CFHR5: variants seen among roughly 807,000 people sequenced by gnomAD.
CFHR5 encodes complement factor H related 5, also known as complement factor H-related protein 5.
A neutral mutation model predicts 62.9 loss-of-function variants in CFHR5; 73 were observed. The ratio of observed to expected loss-of-function variants is 1.16; its 90% confidence interval spans 0.96 to 1.41. The LOEUF (loss-of-function observed/expected upper bound fraction) is 1.41. Among genes scored for constraint, CFHR5 ranks in the 40% most tolerant of loss-of-function variants. The pLI is 0.00. For synonymous variants in CFHR5, 249 were observed against 227.2 expected (o/e 1.10, Z -0.86); for missense variants, 779 against 679.9 (o/e 1.15, Z -1.62).
chr1:197,005,133 T>C (rs1390695736), intron 9 of CFHR5, among the ~76,000 whole-genome samples: 1 of 152,148 alleles, frequency 6.6e-6, no homozygotes, highest in Non-Finnish European at 1.5e-5. Context: ...CATTAAATTG[T>C]TTCATGTTAT....
intron 6 of CFHR5, among the ~76,000 whole-genome samples, chr1:196,997,917 C>A (rs1415509084): frequency 6.6e-6 from 1 of 152,116 alleles, no homozygotes; most frequent in Non-Finnish European, 1.5e-5. Context: ...TCCCAGAAAA[C>A]TTTCTGACCT....
At chr1:196,984,492 G>A (rs1324436231) in intron 3 of CFHR5, among the ~76,000 whole-genome samples, 1 of 152,102 alleles carries the variant, frequency 6.6e-6, no homozygotes, top group East Asian at 1.9e-4. Flanking sequence ...TTATAAGGAA[G>A]TTTTTAATAT....
At position 196,996,078 on chromosome 1, in the gene CFHR5, T is replaced by C. The variant is rs1178609998; in HGVS notation, c.847T>C (p.Ser283Pro). The change falls in exon 6 of 10, where the codon TCT (serine) becomes CCT (proline). Residue 283 changes from serine (S) to proline (P), a missense_variant. By Grantham distance (74) the Ser-to-Pro change is moderately conservative. Coordinates refer to ENST00000256785, the MANE Select transcript of CFHR5 (RefSeq NM_030787.4). ...ACTCGAGTACGGTTATGTTCAGCCG[T>C]CTGTCCCTCCCTATCAACATGGAGT... ...PELEYGYVQPSVPPYQHGVSV... is the reference protein window; with the variant it reads ...PELEYGYVQPPVPPYQHGVSV... The C allele has an allele frequency of 1.2e-6, 2 of 1,613,900 alleles. No individual in the cohort carries two copies. The highest frequency in any genetic ancestry group is 3.3e-5 in the Admixed American group (2 of 60,000).
chr1:196,976,468 T>G (rs896065125), upstream of CFHR5, among the ~76,000 whole-genome samples: 1 of 152,102 alleles, frequency 6.6e-6, no homozygotes, highest in East Asian at 1.9e-4. Context: ...CCAGTCCACA[T>G]AGCCTGCCTG....
intron 3 of CFHR5, among the ~76,000 whole-genome samples, chr1:196,992,675 T>TGC (rs1653878990): frequency 6.6e-6 from 1 of 152,174 alleles, no homozygotes; most frequent in Non-Finnish European, 1.5e-5. Context: ...TCAAGATCAA[T>TGC]TATTTTCAAT....
At chr1:196,993,619 C>A (rs559663799) in intron 3 of CFHR5, among the ~76,000 whole-genome samples, 18 of 152,084 alleles carry the variant, frequency 1.2e-4, no homozygotes, top group African/African-American at 3.9e-4. Context: ...TTTTATACAT[C>A]ATTTTTTTTA....
chr1:196,998,303 AG>A lies in CFHR5; in HGVS notation c.1147+1del. On this transcript the variant is annotated frameshift_variant and splice_region_variant, in exon 7 of 10. Coordinates refer to ENST00000256785, the MANE Select transcript of CFHR5 (RefSeq NM_030787.4). LOFTEE classifies it high-confidence loss of function. ...GKWNPEVDCTEKREQFCPPPP... is the reference protein window; with the variant it reads ...GKWNPEVDCTXKREQFCPPPP... Reference sequence around the variant, plus strand: ...AATGGAATCCTGAAGTAGACTGCACAGGTAAGATTTGTTTAAAACATTTTGT... The same window carrying A: ...AATGGAATCCTGAAGTAGACTGCACAGTAAGATTTGTTTAAAACATTTTGT... The A allele has an allele frequency of 6.2e-7, 1 of 1,609,402 alleles. No homozygotes were observed. Among genetic ancestry groups the A allele is most frequent in the Middle Eastern group, 1.7e-4 (1 of 6,032 alleles).
At chr1:196,978,655 T>C (rs1349688850) in intron 1 of CFHR5, among the ~76,000 whole-genome samples, 8 of 152,194 alleles carry the variant, frequency 5.3e-5, no homozygotes, top group African/African-American at 1.7e-4. Flanking sequence ...AAAACATTAT[T>C]TCTATGGGCC....
chr1:197,002,750 T>G, intron 8 of CFHR5, 86 bp downstream of exon 8: 1 of 1,119,012 alleles, frequency 8.9e-7, no homozygotes, highest in East Asian at 2.5e-5. Context: ...CAAGAACTTA[T>G]GACTAATCTG....
intron 3 of CFHR5, 76 bp from the exon 4 acceptor site, chr1:196,994,004 C>T (rs1653918780): frequency 1.7e-6 from 2 of 1,189,214 alleles, no homozygotes; most frequent in East Asian, 2.4e-5. Flanking sequence ...CCCCTTGCAT[C>T]TTATTTTTAT....
chr1:196,976,746 T>C (rs1420902185), upstream of CFHR5, among the ~76,000 whole-genome samples: 2 of 151,970 alleles, frequency 1.3e-5, no homozygotes, highest in African/African-American at 4.8e-5. Flanking sequence ...TGATTTTGAA[T>C]TATAATTCTG....
At position 197,003,892 on chromosome 1, in the gene CFHR5, A is replaced by G. The variant is rs539974408; in HGVS notation, c.1331-769A>G. Among the ~76,000 whole-genome samples, 4 of 152,310 alleles carry G rather than the reference A, an allele frequency of 2.6e-5. No individual in the cohort carries two copies. In the East Asian group the frequency reaches 7.7e-4, roughly 29 times the overall value. ...AGGGAGACATTGATGTTACAGAAGA[A>G]AGGAGATAATTCATGAAGAAGGATC... On this transcript the variant is annotated intron_variant, in intron 8 of 9. Transcript: ENST00000256785.
intron 4 of CFHR5, 58 bp from the exon 5 acceptor site, chr1:196,995,659 C>T (rs1653968348): frequency 3.4e-6 from 5 of 1,463,002 alleles, no homozygotes; most frequent in African/African-American, 1.4e-5. Context: ...TTAGTAACTC[C>T]ACATTTTTCT....
At chr1:197,007,996 G>T (rs935129153) in intron 9 of CFHR5, among the ~76,000 whole-genome samples, 20 of 147,006 alleles carry the variant, frequency 1.4e-4, no homozygotes, top group African/African-American at 4.7e-4. Context: ...TTATATATAA[G>T]ATATATATAA....
intron 4 of CFHR5, among the ~76,000 whole-genome samples, chr1:196,995,015 T>C (rs1163829346): frequency 2.0e-5 from 3 of 152,122 alleles, no homozygotes; most frequent in African/African-American, 7.2e-5. Flanking sequence ...ATAGGAATTG[T>C]GGGAGCTACA....
Position 196,995,711 on chromosome 1 carries a change from T to G in CFHR5, c.608-6T>G. 1 of 1,610,898 alleles carries G rather than the reference T, an allele frequency of 6.2e-7. No individual in the cohort carries two copies. Among genetic ancestry groups the G allele is most frequent in the Non-Finnish European group, 8.5e-7 (1 of 1,177,236 alleles). ...TTAAGCATTATTTATGGTTTCTTTATAATAGGACAAGTACGATCATGTGGT... is the reference window on the plus strand; with the variant it reads ...TTAAGCATTATTTATGGTTTCTTTAGAATAGGACAAGTACGATCATGTGGT... On this transcript the variant is annotated splice_region_variant and splice_polypyrimidine_tract_variant and intron_variant, in intron 4 of 9. Transcript: ENST00000256785.
At chr1:196,987,447 C>A (rs571833110) in intron 3 of CFHR5, among the ~76,000 whole-genome samples, 2 of 152,142 alleles carry the variant, frequency 1.3e-5, no homozygotes, top group South Asian at 2.1e-4. Flanking sequence ...ATGCCTTTGT[C>A]CTGAATGCTA....
At chr1:196,998,044 G>A (rs1230454001) in intron 6 of CFHR5, 84 bp from the exon 7 acceptor site, 7 of 867,992 alleles carry the variant, frequency 8.1e-6, no homozygotes, top group East Asian at 5.3e-5. Context: ...TTGCTTAAAA[G>A]CATCAAACAT....
chr1:196,976,269 G>C (rs1653392432), upstream of CFHR5, among the ~76,000 whole-genome samples: 1 of 152,148 alleles, frequency 6.6e-6, no homozygotes, highest in Non-Finnish European at 1.5e-5. Flanking sequence ...TCATTAGGCT[G>C]TTTCTGTAAA....
Sources: gnomAD v4.1 joint callset for allele counts (sites outside exome capture counted in the v4.1 genomes callset) on GRCh38, gnomAD v4.1.1 for gene constraint, MANE v1.5 for transcripts, NCBI Gene and HGNC (gene_info 2026-07-23, HGNC 2026-07-21) for gene names.